Variants in ZNF33B observed in about 807,000 individuals in gnomAD.
ZNF33B encodes zinc finger protein 11b (KOX 2).
Under a neutral mutation model 45.8 loss-of-function variants are expected in ZNF33B, and 29 were observed. The ratio of observed to expected loss-of-function variants is 0.63; its 90% CI spans 0.47 to 0.86. The LOEUF (loss-of-function observed/expected upper bound fraction) is 0.86. ZNF33B is among the 40% of genes least tolerant of loss of function. The probability of loss-of-function intolerance (pLI) is 0.00; values close to 1 mark genes in which losing one functional copy is unlikely to be tolerated. For synonymous variants in ZNF33B, 305 were observed against 307.8 expected, an observed-to-expected ratio of 0.99 and a Z score of 0.10; for missense variants, 831 against 909.9, an observed-to-expected ratio of 0.91 and a Z score of 1.12.
At chr10:42,580,246 A>G (rs535927898) in intron 1 of ZNF33B, among the ~76,000 whole-genome samples, 6 of 151,816 alleles carry the variant, frequency 4.0e-5, no homozygotes, top group Non-Finnish European at 8.8e-5. Flanking sequence ...TTTCTTTTCT[A>G]CTGTTTTGTT....
chr10:42,636,896 G>A, intron 2 of ZNF33B, 24 bp downstream of exon 2: 1 of 1,614,102 alleles, frequency 6.2e-7, no homozygotes, highest in African/African-American at 1.3e-5. Context: ...GCAAAATAAA[G>A]TAGGGAATTA....
At chr10:42,577,455 T>C (rs1836764695) in intron 1 of ZNF33B, among the ~76,000 whole-genome samples, 1 of 152,216 alleles carries the variant, frequency 6.6e-6, no homozygotes, top group Admixed American at 6.5e-5. Context: ...GTTCTCTATG[T>C]CCAAACAGCC....
rs1024840794 is a variant in ZNF33B at position 42,590,667 on chromosome 10, T to C, written c.*1946A>G. ...CTACCTTTTATGAGCTTTGAGAGAATGCATCTTGCAAGGAATTGATCCATT... is the reference window on the plus strand; with the variant it reads ...CTACCTTTTATGAGCTTTGAGAGAACGCATCTTGCAAGGAATTGATCCATT... On this transcript the variant is annotated 3_prime_UTR_variant, in exon 5 of 5. Coordinates refer to ENST00000359467, the MANE Select transcript of ZNF33B (RefSeq NM_006955.3). 7 of 152,242 alleles carry C rather than the reference T, an allele frequency of 4.6e-5. No homozygotes were observed. Among genetic ancestry groups the C allele is most frequent in the Non-Finnish European group, 1.0e-4 (7 of 68,042 alleles). The allele number at this position is 152,242 out of a possible 1,614,324, so 9.4% of individuals were successfully genotyped here. A position where few individuals can be genotyped will look rare whatever the true frequency, so the allele number is the denominator to read the frequency against.
intron 4 of ZNF33B, among the ~76,000 whole-genome samples, chr10:42,611,632 G>A (rs553610831): frequency 5.9e-5 from 9 of 152,254 alleles, no homozygotes; most frequent in African/African-American, 2.2e-4. Flanking sequence ...TTGCTACCAA[G>A]TACAAAGTAA....
At chr10:42,575,811 A>G (rs1055544936) in intron 1 of ZNF33B, among the ~76,000 whole-genome samples, 3 of 151,108 alleles carry the variant, frequency 2.0e-5, no homozygotes, top group Admixed American at 6.6e-5. Flanking sequence ...GCTCACCACG[A>G]CATCTGCTTC....
At chr10:42,600,514 T>G (rs1241778945) in intron 4 of ZNF33B, among the ~76,000 whole-genome samples, 2 of 152,206 alleles carry the variant, frequency 1.3e-5, no homozygotes, top group Non-Finnish European at 2.9e-5. Context: ...AATTTTACCA[T>G]TCTACATCTT....
chr10:42,612,499 G>A (rs1838143091), intron 4 of ZNF33B, among the ~76,000 whole-genome samples: 1 of 152,096 alleles, frequency 6.6e-6, no homozygotes, highest in South Asian at 2.1e-4. Context: ...GCATCCCAAA[G>A]TGCTGGGATT....
intron 4 of ZNF33B, among the ~76,000 whole-genome samples, chr10:42,617,292 T>C (rs1838368708): frequency 6.6e-6 from 1 of 151,314 alleles, no homozygotes; most frequent in African/African-American, 2.4e-5. Context: ...TTTGTAGAGA[T>C]GGGGTTTCAC....
chr10:42,635,770 A>C (rs983973261), intron 2 of ZNF33B, among the ~76,000 whole-genome samples: 3 of 149,792 alleles, frequency 2.0e-5, no homozygotes, highest in Non-Finnish European at 4.4e-5. Flanking sequence ...AGATTGCATC[A>C]CTGTGCTACA....
chr10:42,626,928 TTATC>T (rs1232005036), intron 4 of ZNF33B, among the ~76,000 whole-genome samples: 1 of 152,112 alleles, frequency 6.6e-6, no homozygotes, highest in Non-Finnish European at 1.5e-5. Context: ...GTCATTCAAA[TTATC>T]TATATCACCC....
At chr10:42,577,520 A>G (rs1246457945) in intron 1 of ZNF33B, among the ~76,000 whole-genome samples, 2 of 152,160 alleles carry the variant, frequency 1.3e-5, no homozygotes, top group African/African-American at 4.8e-5. Context: ...TCCTTTAGTG[A>G]ATCTCTCTAA....
chr10:42,631,456 C>T (rs1028375273), intron 4 of ZNF33B, among the ~76,000 whole-genome samples: 2 of 152,146 alleles, frequency 1.3e-5, no homozygotes, highest in Non-Finnish European at 2.9e-5. Flanking sequence ...CTGCTCACCT[C>T]GACCTGTGCT....
intron 1 of ZNF33B, among the ~76,000 whole-genome samples, chr10:42,638,243 G>T (rs117275183): frequency 6.6e-6 from 1 of 152,342 alleles, no homozygotes; most frequent in East Asian, 1.9e-4. Context: ...GCCCTCCTCC[G>T]CGGCCCCTAC....
intron 4 of ZNF33B, among the ~76,000 whole-genome samples, chr10:42,628,978 A>T (rs1326025019): frequency 6.6e-6 from 1 of 152,226 alleles, no homozygotes; most frequent in Non-Finnish European, 1.5e-5. Context: ...AAGAAAAGAA[A>T]TCAGAACATC....
rs146478302 is a variant in ZNF33B, at chr10:42,598,694, G to C, written c.251-3995C>G. On this transcript the variant is annotated intron_variant, in intron 4 of 4. Coordinates refer to ENST00000359467, the MANE Select transcript of ZNF33B (RefSeq NM_006955.3). ...GCCATGAAGTTGGCCGAGATACAGG[G>C]AATTACACTGACTGCTTTTCAAATG... Among the ~76,000 whole-genome samples the C allele has an allele frequency of 1.7e-3, 254 of 152,296 alleles. 1 individual carries two copies. Among genetic ancestry groups the C allele is most frequent in the African/African-American group, 6.0e-3 (250 of 41,568 alleles).
intron 4 of ZNF33B, among the ~76,000 whole-genome samples, chr10:42,610,734 T>C (rs1023336363): frequency 3.9e-5 from 6 of 152,224 alleles, no homozygotes; most frequent in African/African-American, 1.4e-4. Flanking sequence ...AACTGCCAAA[T>C]TAATATCTAA....
intron 4 of ZNF33B, among the ~76,000 whole-genome samples, chr10:42,626,876 G>T (rs115644482): frequency 0.017 from 2,580 of 152,056 alleles, 78 homozygotes; most frequent in African/African-American, 0.059. Context: ...AAAATTTAAA[G>T]TATTTGATTC....
chr10:42,578,866 T>C (rs1263822890), intron 1 of ZNF33B: 1 of 152,238 alleles, frequency 6.6e-6, no homozygotes. Flanking sequence ...AAATGTCTGG[T>C]GTCATAAATT....
intron 4 of ZNF33B, among the ~76,000 whole-genome samples, chr10:42,627,168 T>TA (rs1298042214): frequency 6.6e-5 from 10 of 152,252 alleles, no homozygotes; most frequent in Admixed American, 6.5e-4. Flanking sequence ...CACACCAGGC[T>TA]AATTTTTGTA....
Sources: allele counts gnomAD v4.1 joint callset (sites outside exome capture counted in the v4.1 genomes callset), GRCh38; gene constraint gnomAD v4.1.1; transcripts MANE v1.5; gene names NCBI Gene and HGNC (gene_info 2026-07-23, HGNC 2026-07-21).